The following NKAIN2 variants were observed in gnomAD, a reference collection of about 807,000 sequenced individuals.
The protein encoded by NKAIN2 is sodium/potassium-transporting ATPase subunit beta-1-interacting protein 2.
Under a neutral mutation model 32.6 loss-of-function variants are expected in NKAIN2, and 14 were observed. That is an observed-to-expected ratio of 0.43 (90% CI 0.28 to 0.67). NKAIN2 has a LOEUF of 0.67. NKAIN2 is among the 30% of genes least tolerant of loss of function. NKAIN2 has a pLI of 0.17. For synonymous variants in NKAIN2, 80 were observed against 87.2 expected, an observed-to-expected ratio of 0.92 and a Z score of 0.46; for missense variants, 198 against 258.3, an observed-to-expected ratio of 0.77 and a Z score of 1.60.
chr6:124,141,272 AAAT>A (rs1266431019), intron 1 of NKAIN2, among the ~76,000 whole-genome samples: 48 of 152,328 alleles, frequency 3.2e-4, no homozygotes, highest in Non-Finnish European at 5.4e-4. Flanking sequence ...CAAAGAAAAA[AAAT>A]ACTTTTTACT....
intron 3 of NKAIN2, among the ~76,000 whole-genome samples, chr6:124,497,400 G>T (rs1359370042): frequency 6.6e-6 from 1 of 152,118 alleles, no homozygotes; most frequent in Non-Finnish European, 1.5e-5. Context: ...CAGCACAGTT[G>T]TTCAAGATAG....
intron 1 of NKAIN2, among the ~76,000 whole-genome samples, chr6:124,275,214 T>C (rs1396826311): frequency 6.6e-6 from 1 of 152,118 alleles, no homozygotes; most frequent in Non-Finnish European, 1.5e-5. Context: ...TAGAATTATA[T>C]ATAAATGGGA....
intron 1 of NKAIN2, among the ~76,000 whole-genome samples, chr6:123,938,399 TATATA>T (rs1562267172): frequency 4.3e-3 from 7 of 1,640 alleles, no homozygotes; most frequent in East Asian, 0.013. Context: ...GCAAGGGTTA[TATATA>T]TATATATATA....
At chr6:123,855,584 A>G (rs1026341070) in intron 1 of NKAIN2, among the ~76,000 whole-genome samples, 2 of 152,192 alleles carry the variant, frequency 1.3e-5, no homozygotes, top group African/African-American at 4.8e-5. Context: ...TTGTTGCCAG[A>G]CTATTATAGA....
At chr6:124,577,415 A>T (rs187804307) in intron 3 of NKAIN2, among the ~76,000 whole-genome samples, 54 of 152,216 alleles carry the variant, frequency 3.5e-4, no homozygotes, top group African/African-American at 1.3e-3. Flanking sequence ...AGGCACAGTG[A>T]TTGTGAGATT....
In NKAIN2 at chr6:124,372,256, G is replaced by A. The variant is rs549615015; in HGVS notation, c.273+16909G>A. On this transcript the variant is annotated intron_variant, in intron 3 of 6. Coordinates refer to ENST00000368417, the MANE Select transcript of NKAIN2 (RefSeq NM_001040214.3). ...TAAATATTTCATCATATGTTTGGCC[G>A]AATTTCAAGTTACATTCTCCCAGCG... Among the ~76,000 whole-genome samples, 10 of 152,140 alleles carry A rather than the reference G, an allele frequency of 6.6e-5. No individual in the cohort carries two copies. The East Asian group carries it at 1.2e-3, about 18-fold the overall frequency.
rs77443378 is a variant in NKAIN2 at position 123,923,279 on chromosome 6, C to A, written c.54+119025C>A. Among the ~76,000 whole-genome samples the A allele has an allele frequency of 2.7e-3, 410 of 151,904 alleles. 5 individuals carry two copies. Among genetic ancestry groups the A allele is most frequent in the Non-Finnish European group, 3.6e-3 (245 of 67,956 alleles). ...ATGAAATTAAAGCAGATAATTCTGA[C>A]AAAATATTCTATGAATGGTTTGATG... On this transcript the variant is annotated intron_variant, in intron 1 of 6. Coordinates refer to ENST00000368417, the MANE Select transcript of NKAIN2 (RefSeq NM_001040214.3).
chr6:124,252,125 C>T (rs1257471950), intron 1 of NKAIN2, among the ~76,000 whole-genome samples: 1 of 151,936 alleles, frequency 6.6e-6, no homozygotes, highest in African/African-American at 2.4e-5. Context: ...CAGGTATGTG[C>T]TCATGCGTGG....
chr6:124,384,068 A>G (rs6937991), intron 3 of NKAIN2, among the ~76,000 whole-genome samples: 37,153 of 152,112 alleles, frequency 0.24, 6,284 homozygotes, highest in African/African-American at 0.49. Flanking sequence ...AGTATTAGCC[A>G]TTCTCTAGGA....
intron 2 of NKAIN2, among the ~76,000 whole-genome samples, chr6:124,341,999 G>A (rs1562499995): frequency 6.6e-6 from 1 of 152,094 alleles, no homozygotes; most frequent in Non-Finnish European, 1.5e-5. Context: ...TACTGCTATT[G>A]GAGATGAGAA....
chr6:123,979,947 T>C (rs1015013401), intron 1 of NKAIN2, among the ~76,000 whole-genome samples: 2 of 152,194 alleles, frequency 1.3e-5, no homozygotes, highest in Non-Finnish European at 2.9e-5. Context: ...ACAGAATTGT[T>C]CGTTAGTCAA....
chr6:124,658,119 T>A, intron 3 of NKAIN2, 67 bp from the exon 4 acceptor site: 1 of 1,252,444 alleles, frequency 8.0e-7, no homozygotes, highest in Non-Finnish European at 1.1e-6. Flanking sequence ...TCAAAGCAAG[T>A]CAGTCCCAAG....
At chr6:123,928,606 A>C (rs1319515076) in intron 1 of NKAIN2, among the ~76,000 whole-genome samples, 13 of 152,180 alleles carry the variant, frequency 8.5e-5, no homozygotes, top group African/African-American at 3.1e-4. Flanking sequence ...TCTGGAATAT[A>C]GTAGGTATGC....
In NKAIN2 at chr6:124,384,397, G is replaced by A. The variant is rs531097140; in HGVS notation, c.273+29050G>A. ...CAAAGACAGATTGAACTATTGCACA[G>A]GATTACTCTATATCATCTTCACCAA... On this transcript the variant is annotated intron_variant, in intron 3 of 6. Coordinates refer to ENST00000368417, the MANE Select transcript of NKAIN2 (RefSeq NM_001040214.3). Among the ~76,000 whole-genome samples, 6 of 152,222 alleles carry A rather than the reference G, an allele frequency of 3.9e-5. No individual in the cohort carries two copies. In the East Asian group the frequency reaches 9.7e-4, roughly 25 times the overall value.
At chr6:124,004,004 G>T (rs1049523223) in intron 1 of NKAIN2, among the ~76,000 whole-genome samples, 1 of 152,188 alleles carries the variant, frequency 6.6e-6, no homozygotes, top group Non-Finnish European at 1.5e-5. Context: ...AGAACATTTG[G>T]ATTTTTGTGT....
chr6:123,958,898 T>A (rs1777719210), intron 1 of NKAIN2, among the ~76,000 whole-genome samples: 3 of 152,178 alleles, frequency 2.0e-5, no homozygotes, highest in African/African-American at 7.2e-5. Flanking sequence ...CTGTTACAAA[T>A]GAGAAAACAA....
chr6:124,581,023 C>T (rs1396672418), intron 3 of NKAIN2, among the ~76,000 whole-genome samples: 2 of 152,140 alleles, frequency 1.3e-5, no homozygotes, highest in Admixed American at 6.5e-5. Flanking sequence ...CACTGGAGCA[C>T]CCACATATGC....
chr6:124,669,849 C>T (rs920020804), intron 4 of NKAIN2, among the ~76,000 whole-genome samples: 2 of 151,962 alleles, frequency 1.3e-5, no homozygotes, highest in African/African-American at 2.4e-5. Context: ...TCACCATATT[C>T]CATTTATCTG....
intron 2 of NKAIN2, among the ~76,000 whole-genome samples, chr6:124,354,459 G>C (rs1194668943): frequency 6.6e-6 from 1 of 152,084 alleles, no homozygotes; most frequent in African/African-American, 2.4e-5. Flanking sequence ...TAAATTTAGG[G>C]ACACTAGTTA....
Sources: allele counts gnomAD v4.1 joint callset (sites outside exome capture counted in the v4.1 genomes callset), GRCh38; gene constraint gnomAD v4.1.1; transcripts MANE v1.5; gene names NCBI Gene and HGNC (gene_info 2026-07-23, HGNC 2026-07-21).